DAB1: variants seen among roughly 807,000 people sequenced by gnomAD.
DAB1 encodes disabled homolog 1.
A neutral mutation model predicts 64.6 loss-of-function variants in DAB1; 15 were observed. The ratio of observed to expected loss-of-function variants is 0.23; its 90% confidence interval spans 0.16 to 0.36. The LOEUF is 0.36. DAB1 is among the 10% of genes least tolerant of loss of function. The pLI, the probability that DAB1 is intolerant of heterozygous loss-of-function variation, is 1.00. For missense variants in DAB1, 596 were observed against 706.7 expected (o/e 0.84, Z 1.78); for synonymous variants, 235 against 251.9 (o/e 0.93, Z 0.64).
At chr1:57,689,115 A>C (rs72910590) in intron 6 of DAB1, among the ~76,000 whole-genome samples, 2,085 of 152,290 alleles carry the variant, frequency 0.014, 44 homozygotes, top group African/African-American at 0.048. Context: ...ATTTTGAGGG[A>C]AAATGAGTCC....
intron 1 of DAB1, among the ~76,000 whole-genome samples, chr1:58,541,067 T>C (rs1354354749): frequency 6.6e-6 from 1 of 151,516 alleles, no homozygotes; most frequent in Non-Finnish European, 1.5e-5. Flanking sequence ...CCCAGCACTT[T>C]GGGAGGCCGA....
At chr1:57,259,569 G>A (rs1670026580) in intron 2 of DAB1, among the ~76,000 whole-genome samples, 1 of 152,168 alleles carries the variant, frequency 6.6e-6, no homozygotes. Flanking sequence ...GAATATTTGA[G>A]GCCCTGCTGA....
At chr1:57,742,239 T>C (rs931065236) in intron 6 of DAB1, among the ~76,000 whole-genome samples, 1 of 152,192 alleles carries the variant, frequency 6.6e-6, no homozygotes. Context: ...CTCACTCTCT[T>C]ATTTTACAGA....
chr1:58,355,759 C>G (rs1255736651), intron 3 of DAB1, among the ~76,000 whole-genome samples: 1 of 152,142 alleles, frequency 6.6e-6, no homozygotes, highest in Non-Finnish European at 1.5e-5. Flanking sequence ...CTATTTCCCT[C>G]TTTTCTTGAC....
chr1:58,148,949 C>T (rs2100729192), intron 5 of DAB1, among the ~76,000 whole-genome samples: 1 of 152,248 alleles, frequency 6.6e-6, no homozygotes, highest in South Asian at 2.1e-4. Flanking sequence ...TGAGGTGTTC[C>T]ACTGCCTGGA....
Position 57,061,307 on chromosome 1 carries a change from C to T in DAB1, c.723+1577G>A, listed in dbSNP as rs992672697. 7.4e-5 allele frequency among the ~76,000 whole-genome samples: 11 copies of T among 149,510 alleles called. No individual in the cohort carries two copies. The East Asian group carries it at 7.8e-4, about 11-fold the overall frequency. ...TTGATCAGAAAGAAGTTTCACTAAACGAAAAGGGAGAAGGGGGCAGGCAAG... is the reference window on the plus strand; with the variant it reads ...TTGATCAGAAAGAAGTTTCACTAAATGAAAAGGGAGAAGGGGGCAGGCAAG... On this transcript the variant is annotated intron_variant, in intron 9 of 14. Coordinates refer to ENST00000371236, the MANE Select transcript of DAB1 (RefSeq NM_001365792.1).
At chr1:57,598,282 G>A (rs1412161019) in intron 7 of DAB1, among the ~76,000 whole-genome samples, 6 of 152,302 alleles carry the variant, frequency 3.9e-5, no homozygotes, top group Admixed American at 2.0e-4. Context: ...GCGCCCAGCC[G>A]GTATCCACAT....
chr1:57,201,255 A>G (rs1025673049), intron 2 of DAB1, among the ~76,000 whole-genome samples: 2 of 151,490 alleles, frequency 1.3e-5, no homozygotes, highest in Non-Finnish European at 2.9e-5. Context: ...ATTCATTGGT[A>G]TAACAGAAAA....
At chr1:57,665,608 A>C (rs4522021) in intron 6 of DAB1, among the ~76,000 whole-genome samples, 15,723 of 152,156 alleles carry the variant, frequency 0.1, 922 homozygotes, top group Middle Eastern at 0.19. Flanking sequence ...TTAAATGCCT[A>C]TTTGTAGGGG....
intron 7 of DAB1, among the ~76,000 whole-genome samples, chr1:57,630,451 A>C (rs1645975935): frequency 6.6e-6 from 1 of 152,218 alleles, no homozygotes; most frequent in Admixed American, 6.5e-5. Context: ...CTGCGAGAAA[A>C]AAATGTTAGT....
intron 6 of DAB1, among the ~76,000 whole-genome samples, chr1:57,763,670 C>G (rs1359516973): frequency 6.6e-6 from 1 of 152,028 alleles, no homozygotes; most frequent in Non-Finnish European, 1.5e-5. Context: ...AAAGCAAGAC[C>G]TTATCTCTTA....
At chr1:58,101,043 G>A (rs775191681) in intron 5 of DAB1, among the ~76,000 whole-genome samples, 16 of 152,152 alleles carry the variant, frequency 1.1e-4, no homozygotes, top group Non-Finnish European at 1.0e-4. Flanking sequence ...ACAGCCGGGC[G>A]CGGTGGCTCA....
chr1:58,444,609 A>C (rs79896525), intron 3 of DAB1, among the ~76,000 whole-genome samples: 3,883 of 152,274 alleles, frequency 0.026, 163 homozygotes, highest in African/African-American at 0.089. Flanking sequence ...AAGATGAAAA[A>C]TTGCACCCTG....
Position 58,458,121 on chromosome 1 carries a change from A to G in DAB1, n.257+47939T>C, listed in dbSNP as rs533262221. On this transcript the variant is annotated intron_variant and non_coding_transcript_variant, in intron 3 of 20. Coordinates refer to the DAB1 transcript ENST00000485760. ...GCCCAACACAGTGGTCACAAGATTC[A>G]GGTGGCTTCTTAAATTCAAATTGGT... is the stretch of plus-strand genomic sequence containing the variant. Among the ~76,000 whole-genome samples, 3 of 152,352 alleles carry G rather than the reference A, an allele frequency of 2.0e-5. No homozygotes were observed. In the South Asian group the frequency reaches 6.2e-4, roughly 32 times the overall value.
intron 7 of DAB1, among the ~76,000 whole-genome samples, chr1:57,637,008 A>G (rs569776439): frequency 4.6e-5 from 7 of 152,326 alleles, no homozygotes; most frequent in African/African-American, 1.7e-4. Context: ...GCTGTACATA[A>G]ATTAATTGGG....
intron 7 of DAB1, among the ~76,000 whole-genome samples, chr1:57,474,495 G>C (rs1383457840): frequency 6.6e-6 from 1 of 152,178 alleles, no homozygotes; most frequent in Non-Finnish European, 1.5e-5. Context: ...GATCCATTAG[G>C]AAGTATGATT....
At chr1:57,624,835 A>G (rs1645903349) in intron 7 of DAB1, among the ~76,000 whole-genome samples, 1 of 152,140 alleles carries the variant, frequency 6.6e-6, no homozygotes, top group African/African-American at 2.4e-5. Flanking sequence ...TTCTCGAACA[A>G]AATATTTTTG....
rs571094432 is a variant in DAB1 at position 58,012,781 on chromosome 1, A to G, written n.388-128619T>C. On this transcript the variant is annotated intron_variant and non_coding_transcript_variant, in intron 5 of 20. Coordinates refer to the DAB1 transcript ENST00000485760. ...ATTTAGACTCCCCAGCCTCCAGAACAGTGAGAAATGAATGTTTGTTGTTAA... is the reference window on the plus strand; with the variant it reads ...ATTTAGACTCCCCAGCCTCCAGAACGGTGAGAAATGAATGTTTGTTGTTAA... Among the ~76,000 whole-genome samples, 6 of 152,322 alleles carry G rather than the reference A, an allele frequency of 3.9e-5. No individual in the cohort carries two copies. In the South Asian group the frequency reaches 1.0e-3, roughly 26 times the overall value.
At chr1:57,628,832 G>A (rs533842154) in intron 7 of DAB1, among the ~76,000 whole-genome samples, 50 of 152,186 alleles carry the variant, frequency 3.3e-4, no homozygotes, top group African/African-American at 9.2e-4. Context: ...CTCATTTCCA[G>A]TTTTTACTCT....
Sources: allele counts gnomAD v4.1 joint callset (sites outside exome capture counted in the v4.1 genomes callset), GRCh38; gene constraint gnomAD v4.1.1; transcripts MANE v1.5; gene names NCBI Gene and HGNC (gene_info 2026-07-23, HGNC 2026-07-21).